Variants in RANBP2 observed in about 807,000 individuals in gnomAD.
The protein encoded by RANBP2 is E3 SUMO-protein ligase RanBP2.
Under a neutral mutation model 303.6 loss-of-function variants are expected in RANBP2, and 57 were observed. That is an observed-to-expected ratio of 0.19 (90% confidence interval 0.15 to 0.23). RANBP2 has a LOEUF of 0.23. RANBP2 is among the 10% of genes least tolerant of loss of function. The probability of loss-of-function intolerance (pLI) is 1.00; values close to 1 mark genes in which losing one functional copy is unlikely to be tolerated. For synonymous variants in RANBP2, 1,167 were observed against 1,301.5 expected, an observed-to-expected ratio of 0.90 and a Z score of 2.23; for missense variants, 3,138 against 3,780.8, an observed-to-expected ratio of 0.83 and a Z score of 4.46.
chr2:109,051,246 T>C, the RANBP2 span, among the ~76,000 whole-genome samples: 1 of 152,248 alleles, frequency 6.6e-6, no homozygotes, highest in Non-Finnish European at 1.5e-5. Context: ...CCCTGCTGTC[T>C]GCAGAAGGCT....
the RANBP2 span, among the ~76,000 whole-genome samples, chr2:108,919,525 A>G: frequency 1.3e-5 from 2 of 151,900 alleles, no homozygotes; most frequent in Non-Finnish European, 2.9e-5. Flanking sequence ...CGCCCAGCTA[A>G]TTTTGTATTT....
the RANBP2 span, among the ~76,000 whole-genome samples, chr2:109,166,710 G>A: frequency 1.3e-5 from 2 of 152,200 alleles, no homozygotes; most frequent in Non-Finnish European, 2.9e-5. Context: ...AAGCAATTTG[G>A]AATGTCTTCT....
the RANBP2 span, among the ~76,000 whole-genome samples, chr2:109,016,339 G>A: frequency 1.3e-5 from 2 of 151,774 alleles, no homozygotes; most frequent in African/African-American, 2.4e-5. Flanking sequence ...TGCCTGCCTC[G>A]GCCTCCCAAA....
At chr2:109,381,006 A>C in the RANBP2 span, among the ~76,000 whole-genome samples, 3 of 152,324 alleles carry the variant, frequency 2.0e-5, no homozygotes, top group Non-Finnish European at 4.4e-5. Flanking sequence ...AAAATGGACT[A>C]CCTGTGTTGG....
chr2:108,848,664 A>T, the RANBP2 span, among the ~76,000 whole-genome samples: 1 of 152,212 alleles, frequency 6.6e-6, no homozygotes, highest in Non-Finnish European at 1.5e-5. Flanking sequence ...ATGTGGAAAA[A>T]TTTGCAACAA....
chr2:108,980,270 T>A, the RANBP2 span, among the ~76,000 whole-genome samples: 1 of 151,912 alleles, frequency 6.6e-6, no homozygotes, highest in Non-Finnish European at 1.5e-5. Flanking sequence ...AGTGAGAGAA[T>A]CCCAGGGAGG....
chr2:109,535,425 G>A, the RANBP2 span, among the ~76,000 whole-genome samples: 1 of 152,020 alleles, frequency 6.6e-6, no homozygotes, highest in Non-Finnish European at 1.5e-5. Flanking sequence ...TCAGACTTCC[G>A]GCTTCACACA....
the RANBP2 span, among the ~76,000 whole-genome samples, chr2:108,803,429 A>T: frequency 6.6e-6 from 1 of 152,174 alleles, no homozygotes; most frequent in Non-Finnish European, 1.5e-5. Flanking sequence ...CTTTAGTGGA[A>T]ATTAAAAAAA....
At chr2:109,140,271 A>C in the RANBP2 span, among the ~76,000 whole-genome samples, 1 of 152,202 alleles carries the variant, frequency 6.6e-6, no homozygotes, top group Non-Finnish European at 1.5e-5. Flanking sequence ...GATCAGCTGC[A>C]TCCAGCCATG....
chr2:109,709,217 A>G, the RANBP2 span, among the ~76,000 whole-genome samples: 3 of 151,160 alleles, frequency 2.0e-5, no homozygotes, highest in East Asian at 5.8e-4. Flanking sequence ...GAGGCAGGAG[A>G]ATTGCTTGAA....
the RANBP2 span, among the ~76,000 whole-genome samples, chr2:108,973,343 G>A: frequency 6.6e-6 from 1 of 152,206 alleles, no homozygotes; most frequent in Non-Finnish European, 1.5e-5. Context: ...ACCATTAGAA[G>A]CTGACTCAGG....
At chr2:109,150,090 G>A in the RANBP2 span, among the ~76,000 whole-genome samples, 1 of 152,170 alleles carries the variant, frequency 6.6e-6, no homozygotes, top group Admixed American at 6.5e-5. Flanking sequence ...GTGCTGGGGT[G>A]AGCAGCACTG....
chr2:109,284,281 G>A, the RANBP2 span, among the ~76,000 whole-genome samples: 754 of 152,318 alleles, frequency 5.0e-3, 3 homozygotes, highest in African/African-American at 0.017. Flanking sequence ...CATCTTCACT[G>A]TATTAGTAGC....
chr2:108,763,370 T>C lies in RANBP2; in HGVS notation c.2831T>C (p.Leu944Ser). The C allele has an allele frequency of 6.2e-7, 1 of 1,613,978 alleles. No homozygotes were observed. Among genetic ancestry groups the C allele is most frequent in the Non-Finnish European group, 8.5e-7 (1 of 1,179,964 alleles). The change falls in exon 20 of 29, where the codon TTG becomes TCG. Residue 944 changes from leucine (L) to serine (S), a missense_variant. By Grantham distance (145) the Leu-to-Ser change is moderately radical. Transcript: ENST00000283195. ...FSQEMYGPPA[L>S]RFESPATGIL... ...CAGGAGATGTATGGTCCTCCTGCAT[T>C]GCGTTTTGAGTCTCCTGCAACGGGA...
At chr2:108,871,370 T>TAAAAAAAAAAAAAAACAAAAAAAAAAA in the RANBP2 span, among the ~76,000 whole-genome samples, 1 of 76,672 alleles carries the variant, frequency 1.3e-5, no homozygotes, top group Non-Finnish European at 2.5e-5. Flanking sequence ...CCAACTCTAT[T>TAAAAAAAAAAAAAAACAAAAAAAAAAA]AAAAAAAAAA....
the RANBP2 span, among the ~76,000 whole-genome samples, chr2:109,166,786 A>C: frequency 6.6e-6 from 1 of 152,254 alleles, no homozygotes; most frequent in African/African-American, 2.4e-5. Flanking sequence ...TTTCAACTAT[A>C]TAGGTTAAAA....
the RANBP2 span, among the ~76,000 whole-genome samples, chr2:109,463,593 T>C: frequency 6.6e-6 from 1 of 152,202 alleles, no homozygotes; most frequent in Non-Finnish European, 1.5e-5. Context: ...TTCTGATTAT[T>C]GTGCAACTTG....
At chr2:109,639,533 C>T in the RANBP2 span, among the ~76,000 whole-genome samples, 39 of 151,858 alleles carry the variant, frequency 2.6e-4, no homozygotes, top group East Asian at 2.9e-3. Flanking sequence ...GCAGGAGAAT[C>T]GCTTGAACCC....
chr2:109,665,662 G>A, the RANBP2 span: 1 of 160,964 alleles, frequency 6.2e-6, no homozygotes, highest in Non-Finnish European at 1.4e-5. Context: ...AGGTTTAACA[G>A]CCAGTTTAAA....
Sources: allele counts gnomAD v4.1 joint callset (sites outside exome capture counted in the v4.1 genomes callset), GRCh38; gene constraint gnomAD v4.1.1; transcripts MANE v1.5; gene names NCBI Gene and HGNC (gene_info 2026-07-23, HGNC 2026-07-21).